Variants in DBF4B observed in about 807,000 individuals in gnomAD.
DBF4B encodes DBF4B-CDC7 kinase regulatory subunit.
In DBF4B, 49 loss-of-function variants were observed where a neutral mutation model predicts 53.4. The ratio of observed to expected loss-of-function variants is 0.92; its 90% confidence interval spans 0.73 to 1.16. The LOEUF (loss-of-function observed/expected upper bound fraction) is 1.16, where lower values mean the gene tolerates loss of function less well. Among genes scored for constraint, DBF4B ranks in the 50% most tolerant of loss-of-function variants. The pLI, the probability that DBF4B is intolerant of heterozygous loss-of-function variation, is 0.00. For missense variants in DBF4B, 692 were observed against 775.0 expected (o/e 0.89, Z 1.27); for synonymous variants, 257 against 288.7 (o/e 0.89, Z 1.11).
intron 12 of DBF4B, 96 bp downstream of exon 12, chr17:44,747,611 G>C (rs770742050): frequency 4.3e-4 from 632 of 1,473,840 alleles, no homozygotes; most frequent in Non-Finnish European, 5.6e-4. Context: ...GCTGGGACCA[G>C]ACTGTGATGT....
intron 5 of DBF4B, 89 bp downstream of exon 5, chr17:44,731,104 C>A: frequency 7.2e-7 from 1 of 1,383,524 alleles, no homozygotes; most frequent in Non-Finnish European, 1.0e-6. Flanking sequence ...GAAGCACCCA[C>A]ACAAAATGCA....
intron 13 of DBF4B, chr17:44,748,928 G>A (rs1018748586): frequency 7.8e-7 from 1 of 1,289,938 alleles, no homozygotes; most frequent in East Asian, 5.5e-5. Context: ...CCCTTCCCCT[G>A]GCAGCCCACA....
rs1338485853 is a variant in DBF4B at position 44,751,743 on chromosome 17, C to T, written c.*490C>T. ...CCTTCCACACTTCCTTCCTGGGTAG[C>T]TCTGCCTGAAGCATTCCACTAAGAT... is the stretch of plus-strand genomic sequence containing the variant. On this transcript the variant is annotated 3_prime_UTR_variant, in exon 14 of 14. Transcript: ENST00000315005. 8 of 1,462,486 alleles carry T rather than the reference C, an allele frequency of 5.5e-6. No homozygotes were observed. The highest frequency in any genetic ancestry group is 7.2e-6 in the Non-Finnish European group (8 of 1,108,028). The allele number at this position is 1,462,486 out of a possible 1,614,324, so 90.6% of individuals were successfully genotyped here. A position where few individuals can be genotyped will look rare whatever the true frequency, so the allele number is the denominator to read the frequency against.
Position 44,750,640 on chromosome 17 carries a change from T to G in DBF4B, c.1235T>G (p.Leu412Arg), listed in dbSNP as rs764522771. The part of the protein sequence containing the change: ...AAGQQRWTES[L>R]DGVMGPPASH... ...GGCCAGCAGCGATGGACAGAATCAC[T>G]AGATGGTGTGATGGGACCTCCTGCA... is the stretch of plus-strand genomic sequence containing the variant. The change falls in exon 14 of 14, where the codon CTA (leucine) becomes CGA (arginine). Residue 412 changes from leucine (L) to arginine (R), a missense_variant. Transcript: ENST00000315005. 1.9e-6 allele frequency: 3 copies of G among 1,613,918 alleles called. No homozygotes were observed. The highest frequency in any genetic ancestry group is 2.5e-6 in the Non-Finnish European group (3 of 1,179,994).
chr17:44,748,549 G>C, intron 13 of DBF4B, 84 bp downstream of exon 13: 1 of 1,591,036 alleles, frequency 6.3e-7, no homozygotes, highest in Non-Finnish European at 8.6e-7. Flanking sequence ...TGGACCTATA[G>C]CAAGCTGCCA....
chr17:44,729,719 CA>C (rs1974665637), intron 3 of DBF4B, among the ~76,000 whole-genome samples, 185 bp from the exon 4 acceptor site: 3 of 145,640 alleles, frequency 2.1e-5, no homozygotes, highest in South Asian at 2.2e-4. Context: ...CACACACACA[CA>C]CACACACCCC....
At chr17:44,713,582 A>G (rs1413303432) in intron 2 of DBF4B, among the ~76,000 whole-genome samples, 1 of 152,042 alleles carries the variant, frequency 6.6e-6, no homozygotes, top group Non-Finnish European at 1.5e-5. Flanking sequence ...CCCGGGAGGC[A>G]GAGGTGTAGT....
intron 3 of DBF4B, among the ~76,000 whole-genome samples, chr17:44,727,258 AAT>A: frequency 6.6e-6 from 1 of 151,568 alleles, no homozygotes. Context: ...CTCTACTAAA[AAT>A]ATAAAAAAAT....
At chr17:44,745,562 C>T (rs1176728147) in intron 10 of DBF4B, among the ~76,000 whole-genome samples, 1 of 152,198 alleles carries the variant, frequency 6.6e-6, no homozygotes, top group African/African-American at 2.4e-5. Context: ...CTTACAAAAG[C>T]ATCACATCTC....
intron 2 of DBF4B, among the ~76,000 whole-genome samples, chr17:44,717,376 T>G (rs1973417481): frequency 6.6e-6 from 1 of 152,094 alleles, no homozygotes; most frequent in South Asian, 2.1e-4. Context: ...TTACCCAGCT[T>G]CCCCAAATAT....
chr17:44,745,929 C>T (rs1370291281), intron 10 of DBF4B, among the ~76,000 whole-genome samples: 1 of 151,526 alleles, frequency 6.6e-6, no homozygotes, highest in African/African-American at 2.4e-5. Flanking sequence ...CAGGCTTGGC[C>T]GGATGTGGTG....
intron 3 of DBF4B, among the ~76,000 whole-genome samples, chr17:44,724,409 G>A (rs915192837): frequency 2.6e-5 from 4 of 151,378 alleles, no homozygotes; most frequent in Admixed American, 2.6e-4. Context: ...ACAGTGTCTC[G>A]CTCTGTCACC....
At position 44,741,425 on chromosome 17, in the gene DBF4B, C is replaced by T. The variant is rs766041979; in HGVS notation, c.803C>T (p.Thr268Met). Residue 268 changes from threonine to methionine, a missense_variant, in exon 10 of 14, where the codon ACG becomes ATG. Thr to Met is a moderately conservative substitution (Grantham distance 81). This residue lies in a region of DBF4B where 597 missense variants were observed against 665.8 expected (regional missense o/e 0.90). Transcript: ENST00000315005. ...GATGCAAGTCCCTTTGAGGCCCCGA[C>T]GACCCTGGGCAGCATGCACCATACC... Reference protein sequence around the residue: ...PKDASPFEAPTTLGSMHHTRE... With the variant: ...PKDASPFEAPMTLGSMHHTRE... 15 of 1,612,212 alleles carry T rather than the reference C, an allele frequency of 9.3e-6. No individual in the cohort carries two copies. In the Admixed American group the frequency reaches 1.7e-4, roughly 18 times the overall value.
chr17:44,742,714 A>G (rs566603991), intron 10 of DBF4B, among the ~76,000 whole-genome samples: 1 of 152,312 alleles, frequency 6.6e-6, no homozygotes, highest in Non-Finnish European at 1.5e-5. Context: ...AACATCAGGA[A>G]TAACTAAGGG....
intron 6 of DBF4B, 33 bp downstream of exon 6, chr17:44,732,298 A>C: frequency 6.2e-7 from 1 of 1,609,064 alleles, no homozygotes; most frequent in Non-Finnish European, 8.5e-7. Flanking sequence ...CTGTGGAGGG[A>C]GAATTGGTGA....
At chr17:44,741,645 A>G (rs1976042742) in intron 10 of DBF4B, among the ~76,000 whole-genome samples, 193 bp downstream of exon 10, 1 of 152,238 alleles carries the variant, frequency 6.6e-6, no homozygotes, top group Non-Finnish European at 1.5e-5. Flanking sequence ...TCCGTACTGA[A>G]GAATTTAACT....
chr17:44,739,220 C>G (rs1018378921), intron 9 of DBF4B, among the ~76,000 whole-genome samples: 2 of 152,160 alleles, frequency 1.3e-5, no homozygotes, highest in Non-Finnish European at 2.9e-5. Flanking sequence ...AGTACAAGAT[C>G]GAAAGTGTAT....
At chr17:44,736,547 G>A (rs1385919267) in intron 7 of DBF4B, among the ~76,000 whole-genome samples, 1 of 152,182 alleles carries the variant, frequency 6.6e-6, no homozygotes, top group East Asian at 1.9e-4. Flanking sequence ...CCAGGCCTCT[G>A]GGACTCCAGA....
intron 2 of DBF4B, chr17:44,719,865 G>A: frequency 4.5e-6 from 1 of 221,094 alleles, no homozygotes; most frequent in Non-Finnish European, 9.6e-6. Flanking sequence ...AAACATGTGA[G>A]TCCACAGCTT....
Sources: allele counts gnomAD v4.1 joint callset (sites outside exome capture counted in the v4.1 genomes callset), GRCh38; gene constraint gnomAD v4.1.1; regional missense constraint gnomAD v4.1.1; transcripts MANE v1.5; gene names NCBI Gene and HGNC (gene_info 2026-07-23, HGNC 2026-07-21).